CBFA2T3: variants seen among roughly 807,000 people sequenced by gnomAD.
CBFA2T3 encodes transcriptional corepressor CBFA2T3.
A neutral mutation model predicts 58.6 loss-of-function variants in CBFA2T3; 31 were observed. That is an observed-to-expected ratio of 0.53 (90% CI 0.40 to 0.71). CBFA2T3 has a LOEUF of 0.71. CBFA2T3 is among the 30% of genes least tolerant of loss of function. The pLI is 0.00. For synonymous variants in CBFA2T3, 531 were observed against 421.9 expected, an observed-to-expected ratio of 1.26 and a Z score of -3.17; for missense variants, 1,076 against 963.1, an observed-to-expected ratio of 1.12 and a Z score of -1.55.
chr16:88,965,020 C>T (rs1972462561), intron 1 of CBFA2T3, among the ~76,000 whole-genome samples: 1 of 151,044 alleles, frequency 6.6e-6, no homozygotes, highest in Non-Finnish European at 1.5e-5. Flanking sequence ...ATCCATCCAC[C>T]CACCACCTAT....
At chr16:88,888,049 CG>C in intron 5 of CBFA2T3, among the ~76,000 whole-genome samples, 1 of 152,234 alleles carries the variant, frequency 6.6e-6, no homozygotes, top group South Asian at 2.1e-4. Flanking sequence ...TGCAAACTAG[CG>C]CTGTGGAGCC....
chr16:88,939,320 C>T (rs915409221), intron 1 of CBFA2T3: 1 of 152,316 alleles, frequency 6.6e-6, no homozygotes, highest in Non-Finnish European at 1.5e-5. Context: ...CCCAGCACCA[C>T]GAACCACTCA....
At chr16:88,894,060 G>T (rs1969762038) in intron 3 of CBFA2T3, among the ~76,000 whole-genome samples, 2 of 152,132 alleles carry the variant, frequency 1.3e-5, no homozygotes, top group African/African-American at 4.8e-5. Context: ...CCTGCAGAAG[G>T]ACACGCTCCC....
At chr16:88,965,214 T>C (rs1972471925) in intron 1 of CBFA2T3, among the ~76,000 whole-genome samples, 1 of 151,688 alleles carries the variant, frequency 6.6e-6, no homozygotes, top group African/African-American at 2.4e-5. Context: ...TTATTTGAAT[T>C]AATATCTGAC....
chr16:88,909,287 G>A lies in CBFA2T3; in HGVS notation c.152-7631C>T, dbSNP rs1325708785. On this transcript the variant is annotated intron_variant, in intron 1 of 11. Transcript: ENST00000268679. ...CCCAGAACAGTGCTGTGCCTCAGTT[G>A]GCCCCTCCATAAAAGTGCAGAATTA... Among the ~76,000 whole-genome samples the A allele has an allele frequency of 1.1e-4, 16 of 152,316 alleles. 1 individual carries two copies. In the East Asian group the frequency reaches 3.1e-3, roughly 29 times the overall value.
Position 88,876,107 on chromosome 16 carries a change from C to T in CBFA2T3, c.*869G>A. 1 of 232,654 alleles carries T rather than the reference C, an allele frequency of 4.3e-6. No homozygotes were observed. The highest frequency in any genetic ancestry group is 1.3e-3 in the Middle Eastern group (1 of 780). The allele number at this position is 232,654 out of a possible 1,614,324, so 14.4% of individuals were successfully genotyped here. A position where few individuals can be genotyped will look rare whatever the true frequency, so the allele number is the denominator to read the frequency against. On this transcript the variant is annotated 3_prime_UTR_variant, in exon 12 of 12. Transcript: ENST00000268679. Reference sequence around the variant, plus strand: ...TGAAACAGTGAAAAAAATACTTTGGCAGTGACAAACAAATTTTGGATTTTG... The same window carrying T: ...TGAAACAGTGAAAAAAATACTTTGGTAGTGACAAACAAATTTTGGATTTTG...
At chr16:88,901,791 G>A in intron 1 of CBFA2T3, 135 bp from the exon 2 acceptor site, 1 of 732,884 alleles carries the variant, frequency 1.4e-6, no homozygotes, top group Non-Finnish European at 2.1e-6. Context: ...CAGGTGTCCT[G>A]ACAGGTGGCT....
chr16:88,907,473 G>C (rs1970376757), intron 1 of CBFA2T3, among the ~76,000 whole-genome samples: 1 of 152,214 alleles, frequency 6.6e-6, no homozygotes, highest in South Asian at 2.1e-4. Flanking sequence ...TCTGACGCCC[G>C]GAGGGGAGGA....
intron 1 of CBFA2T3, among the ~76,000 whole-genome samples, chr16:88,969,079 G>A (rs774242479): frequency 5.3e-5 from 8 of 152,204 alleles, no homozygotes; most frequent in African/African-American, 9.7e-5. Flanking sequence ...CCATCCTCTC[G>A]TGAGCAGTCG....
At chr16:88,891,801 C>G (rs1969641578) in intron 5 of CBFA2T3, 81 bp downstream of exon 5, 1 of 975,980 alleles carries the variant, frequency 1.0e-6, no homozygotes, top group Non-Finnish European at 1.6e-6. Flanking sequence ...GCCTGTCCAC[C>G]GCTGTCCACG....
At chr16:88,948,381 G>A (rs56381407) in intron 1 of CBFA2T3, among the ~76,000 whole-genome samples, 5,052 of 152,314 alleles carry the variant, frequency 0.033, 276 homozygotes, top group African/African-American at 0.11. Context: ...GGGGAACTGG[G>A]AGAGGGTGAC....
chr16:88,882,595 G>T, intron 8 of CBFA2T3, 81 bp downstream of exon 8: 1 of 772,390 alleles, frequency 1.3e-6, no homozygotes, highest in Non-Finnish European at 2.1e-6. Flanking sequence ...TGTGTGCATG[G>T]CTGTGTGTGC....
intron 4 of CBFA2T3, 32 bp downstream of exon 4, chr16:88,892,212 C>T (rs1243960041): frequency 6.9e-6 from 11 of 1,592,912 alleles, no homozygotes; most frequent in Non-Finnish European, 9.4e-6. Context: ...ATATGCATGT[C>T]CCAAGGCCCC....
At chr16:88,975,201 C>A (rs1394660939) in intron 1 of CBFA2T3, among the ~76,000 whole-genome samples, 1 of 109,970 alleles carries the variant, frequency 9.1e-6, no homozygotes, top group African/African-American at 4.3e-5. Context: ...TGTCAGAGGT[C>A]CACCCTGACC....
intron 1 of CBFA2T3, among the ~76,000 whole-genome samples, chr16:88,935,431 C>T (rs563536867): frequency 1.3e-5 from 2 of 152,342 alleles, no homozygotes; most frequent in Admixed American, 1.3e-4. Flanking sequence ...CAGGTGGCCT[C>T]GGCTCCCAAG....
At chr16:88,910,206 G>C (rs758195401) in intron 1 of CBFA2T3, among the ~76,000 whole-genome samples, 2 of 152,212 alleles carry the variant, frequency 1.3e-5, no homozygotes, top group South Asian at 2.1e-4. Context: ...CTTCCACCAG[G>C]TCCCCGCAAG....
Position 88,885,626 on chromosome 16 carries a change from C to G in CBFA2T3, c.893+335G>C, listed in dbSNP as rs1969334808. On this transcript the variant is annotated intron_variant, in intron 6 of 11. Coordinates refer to ENST00000268679, the MANE Select transcript of CBFA2T3 (RefSeq NM_005187.6). The surrounding 1 kb of genome is among the most constrained non-coding windows in gnomAD (Gnocchi z 5.3). ...AGCAGCAGCACAAGAGCGTCTGGGGCAGCAGAGGGGGCCCAGCCCAGGCAC... is the reference window on the plus strand; with the variant it reads ...AGCAGCAGCACAAGAGCGTCTGGGGGAGCAGAGGGGGCCCAGCCCAGGCAC... 1 of 423,860 alleles carries G rather than the reference C, an allele frequency of 2.4e-6. No homozygotes were observed. The highest frequency in any genetic ancestry group is 4.2e-5 in the East Asian group (1 of 23,710). The allele number at this position is 423,860 out of a possible 1,614,324, so 26.3% of individuals were successfully genotyped here.
intron 1 of CBFA2T3, among the ~76,000 whole-genome samples, chr16:88,925,433 GC>G (rs1451276383): frequency 3.3e-5 from 5 of 152,294 alleles, no homozygotes; most frequent in Non-Finnish European, 5.9e-5. Context: ...AGTCAAAACA[GC>G]CCCCAGGGAA....
intron 1 of CBFA2T3, among the ~76,000 whole-genome samples, chr16:88,964,384 C>T (rs1032231348): frequency 5.3e-5 from 8 of 152,242 alleles, no homozygotes; most frequent in African/African-American, 1.9e-4. Context: ...GCCAAGGGCC[C>T]AGTGGCCTCT....
Sources: allele counts gnomAD v4.1 joint callset (sites outside exome capture counted in the v4.1 genomes callset), GRCh38; gene constraint gnomAD v4.1.1; non-coding constraint Gnocchi (gnomAD v3.1); transcripts MANE v1.5; gene names NCBI Gene and HGNC (gene_info 2026-07-23, HGNC 2026-07-21).